The following SUGCT variants were observed in gnomAD, a reference collection of about 807,000 sequenced individuals.
SUGCT encodes succinyl-CoA:glutarate-CoA transferase.
In SUGCT, 41 loss-of-function variants were observed where a neutral mutation model predicts 55.0. That is an observed-to-expected ratio of 0.74 (90% CI 0.58 to 0.97). The LOEUF (loss-of-function observed/expected upper bound fraction) is 0.97. SUGCT is among the 50% of genes least tolerant of loss of function. SUGCT has a pLI of 0.00. For synonymous variants in SUGCT, 187 were observed against 200.4 expected (o/e 0.93, Z 0.56); for missense variants, 568 against 547.8 (o/e 1.04, Z -0.37).
At chr7:40,408,231 A>T (rs572403888) in intron 9 of SUGCT, among the ~76,000 whole-genome samples, 6 of 152,264 alleles carry the variant, frequency 3.9e-5, no homozygotes, top group Non-Finnish European at 8.8e-5. Flanking sequence ...TATATATTGG[A>T]GCTACTATTG....
intron 12 of SUGCT, among the ~76,000 whole-genome samples, chr7:40,694,145 A>G (rs913988868): frequency 6.6e-6 from 1 of 152,158 alleles, no homozygotes; most frequent in Non-Finnish European, 1.5e-5. Flanking sequence ...ACTGGCTTCT[A>G]TTTTCGTTTT....
intron 13 of SUGCT, among the ~76,000 whole-genome samples, chr7:40,832,848 G>A (rs1792767385): frequency 6.6e-6 from 1 of 151,900 alleles, no homozygotes; most frequent in Non-Finnish European, 1.5e-5. Flanking sequence ...CTAATTTTTT[G>A]TGTTTTTAGT....
chr7:40,521,396 T>A (rs1250082722), intron 12 of SUGCT, among the ~76,000 whole-genome samples: 1 of 152,082 alleles, frequency 6.6e-6, no homozygotes, highest in Non-Finnish European at 1.5e-5. Flanking sequence ...CCCTTTCTAA[T>A]GGAAAATTGG....
At chr7:41,026,716 A>T in the SUGCT span, among the ~76,000 whole-genome samples, 3 of 152,212 alleles carry the variant, frequency 2.0e-5, no homozygotes, top group Non-Finnish European at 4.4e-5. Context: ...AGACTTTCAT[A>T]GAAGCTGGTT....
At chr7:40,224,938 T>G (rs1332033697) in intron 6 of SUGCT, among the ~76,000 whole-genome samples, 2 of 152,180 alleles carry the variant, frequency 1.3e-5, no homozygotes, top group Non-Finnish European at 2.9e-5. Flanking sequence ...TATAGGGGCA[T>G]CCACACTGCA....
At chr7:40,523,855 C>CTGT (rs1024304175) in intron 12 of SUGCT, among the ~76,000 whole-genome samples, 21 of 152,154 alleles carry the variant, frequency 1.4e-4, no homozygotes, top group African/African-American at 4.3e-4. Flanking sequence ...ACTACTGTGG[C>CTGT]TACATAGTAC....
At chr7:40,146,071 G>A (rs1224539959) in intron 1 of SUGCT, among the ~76,000 whole-genome samples, 1 of 150,648 alleles carries the variant, frequency 6.6e-6, no homozygotes, top group Non-Finnish European at 1.5e-5. Context: ...ATACTTTAAG[G>A]TTCTTGAGTC....
At chr7:40,593,790 G>T (rs1797854232) in intron 12 of SUGCT, among the ~76,000 whole-genome samples, 1 of 152,152 alleles carries the variant, frequency 6.6e-6, no homozygotes, top group Admixed American at 6.6e-5. Context: ...AGTGAGCTGA[G>T]ATTGCGTCAC....
intron 6 of SUGCT, among the ~76,000 whole-genome samples, chr7:40,199,035 G>A (rs940781828): frequency 6.6e-6 from 1 of 151,096 alleles, no homozygotes; most frequent in African/African-American, 2.4e-5. Context: ...CAGTGTGTCT[G>A]TGTGTGTGTG....
chr7:41,004,332 T>G, the SUGCT span, among the ~76,000 whole-genome samples: 1 of 152,250 alleles, frequency 6.6e-6, no homozygotes, highest in Admixed American at 6.5e-5. Context: ...ATTCATAAAT[T>G]GAATGTGGCT....
intron 12 of SUGCT, among the ~76,000 whole-genome samples, chr7:40,606,180 G>C (rs1440752710): frequency 6.6e-6 from 1 of 152,192 alleles, no homozygotes; most frequent in East Asian, 1.9e-4. Flanking sequence ...GAAGGACAAA[G>C]AGAGTGGGGC....
At chr7:40,463,777 C>T (rs1162227196) in intron 11 of SUGCT, among the ~76,000 whole-genome samples, 2 of 152,116 alleles carry the variant, frequency 1.3e-5, no homozygotes, top group Non-Finnish European at 2.9e-5. Context: ...AGAAGACTTT[C>T]CCCTGGAGTT....
intron 11 of SUGCT, among the ~76,000 whole-genome samples, chr7:40,480,276 T>A (rs1453258274): frequency 6.6e-6 from 1 of 152,188 alleles, no homozygotes; most frequent in Non-Finnish European, 1.5e-5. Flanking sequence ...GAAGAGATTA[T>A]CTCTTCCCTA....
the SUGCT span, among the ~76,000 whole-genome samples, chr7:40,961,178 A>T: frequency 2.0e-5 from 3 of 152,252 alleles, no homozygotes; most frequent in East Asian, 1.9e-4. Flanking sequence ...CAAAATATTT[A>T]AAAATACTTC....
intron 12 of SUGCT, among the ~76,000 whole-genome samples, chr7:40,544,146 T>C (rs1270152180): frequency 6.6e-6 from 1 of 151,818 alleles, no homozygotes; most frequent in East Asian, 1.9e-4. Flanking sequence ...TTTTTTTTTT[T>C]TTTAGGGCAG....
intron 9 of SUGCT, among the ~76,000 whole-genome samples, chr7:40,432,717 A>G (rs890982233): frequency 6.9e-6 from 1 of 144,534 alleles, no homozygotes; most frequent in Non-Finnish European, 1.5e-5. Flanking sequence ...AAAAAAAATC[A>G]AAATTCTCCT....
chr7:40,676,504 G>GTTT (rs70990639), intron 12 of SUGCT, among the ~76,000 whole-genome samples: 1 of 129,094 alleles, frequency 7.7e-6, no homozygotes, highest in Admixed American at 7.8e-5. Flanking sequence ...TTTGTTTTTT[G>GTTT]TTTTTTTTTT....
At chr7:40,589,300 G>A (rs1400176570) in intron 12 of SUGCT, among the ~76,000 whole-genome samples, 1 of 152,020 alleles carries the variant, frequency 6.6e-6, no homozygotes. Context: ...ATGAGACTGG[G>A]TAATTTATAA....
chr7:40,345,391 A>T (rs763998720), intron 9 of SUGCT, among the ~76,000 whole-genome samples: 11 of 152,182 alleles, frequency 7.2e-5, no homozygotes, highest in Non-Finnish European at 1.6e-4. Flanking sequence ...AATACATGGT[A>T]TCATTTTGTA....
Sources: gnomAD v4.1 joint callset for allele counts (sites outside exome capture counted in the v4.1 genomes callset) on GRCh38, gnomAD v4.1.1 for gene constraint, MANE v1.5 for transcripts, NCBI Gene and HGNC (gene_info 2026-07-23, HGNC 2026-07-21) for gene names.